Variants in PAX5 observed in about 807,000 individuals in gnomAD.
PAX5 encodes the protein paired box protein Pax-5.
In PAX5, 9 loss-of-function variants were observed where a neutral mutation model predicts 43.7. The observed-to-expected ratio is 0.21, with a 90% CI of 0.12 to 0.36. PAX5 has a LOEUF of 0.36. Ranked by LOEUF, PAX5 falls within the 10% of genes least tolerant of loss-of-function variation. The probability of loss-of-function intolerance (pLI) is 1.00; values close to 1 mark genes in which losing one functional copy is unlikely to be tolerated. For missense variants in PAX5, 383 were observed against 532.7 expected (o/e 0.72, Z 2.77); for synonymous variants, 228 against 214.3 (o/e 1.06, Z -0.56).
At chr9:36,923,257 A>G (rs1052152677) in intron 7 of PAX5, 98 bp downstream of exon 7, 8 of 1,463,470 alleles carry the variant, frequency 5.5e-6, no homozygotes, top group Non-Finnish European at 7.3e-6. Flanking sequence ...AAAATTGGCC[A>G]ATCACATCCA....
rs587778589 is a variant in PAX5 at position 37,015,163 on chromosome 9, C to T, written c.244G>A (p.Val82Ile). 1.6e-4 allele frequency: 262 copies of T among 1,614,024 alleles called. No homozygotes were observed. The Admixed American group carries it at 4.3e-3, about 27-fold the overall frequency. ...YYETGSIKPG[V>I]IGGSKPKVAT... ...ACCTTTGGTTTGGATCCTCCAATTA[C>T]CCCAGGCTTGATGCTTCCTGTCTCA... The change falls in exon 3 of 10, where the codon GTA (valine) becomes ATA (isoleucine). Residue 82 changes from valine (V) to isoleucine (I), a missense_variant. By Grantham distance (29) the Val-to-Ile change is conservative. Coordinates refer to ENST00000358127, the MANE Select transcript of PAX5 (RefSeq NM_016734.3). This position sits in a 1 kb window ranked among gnomAD's most constrained non-coding sequence, Gnocchi z 4.4.
Position 36,872,844 on chromosome 9 carries a change from G to T in PAX5, c.1012+9160C>A, listed in dbSNP as rs756884219. On this transcript the variant is annotated intron_variant, in intron 8 of 9. Transcript: ENST00000358127. ...CTGGGCAGAGCCTGCCCTCTGCAAG[G>T]CTATTGGATGCTCAGCCTCATGCCC... Among the ~76,000 whole-genome samples, 16 of 152,318 alleles carry T rather than the reference G, an allele frequency of 1.1e-4. No individual in the cohort carries two copies. The South Asian group carries it at 1.7e-3, about 16-fold the overall frequency.
intron 8 of PAX5, among the ~76,000 whole-genome samples, chr9:36,861,777 T>C (rs1222462930): frequency 6.6e-6 from 1 of 151,380 alleles, no homozygotes; most frequent in Non-Finnish European, 1.5e-5. Flanking sequence ...GAGTGGGAGA[T>C]AGGTCAGGAC....
Position 36,840,564 on chromosome 9 carries a change from T to C in PAX5, c.1172A>G (p.His391Arg). Residue 391 changes from histidine to arginine, a missense_variant, in exon 10 of 10, where the codon CAC becomes CGC. Physicochemically the swap from His to Arg is conservative, Grantham distance 29 (BLOSUM62 0). This residue lies in a region of PAX5 where 291 missense variants were observed against 342.5 expected (regional missense o/e 0.85). Transcript: ENST00000358127. ...GTGCCCGCCTGGCTCCAAGGGTCAG[T>C]GACGGTCATAGGCAGTGGCGGCTGC... is the stretch of plus-strand genomic sequence containing the variant. ...PPAAATAYDR[H>R] 1 of 1,586,008 alleles carries C rather than the reference T, an allele frequency of 6.3e-7. No individual in the cohort carries two copies. The highest frequency in any genetic ancestry group is 8.6e-7 in the Non-Finnish European group (1 of 1,167,288).
chr9:37,033,298 A>G (rs1841170314), intron 1 of PAX5, among the ~76,000 whole-genome samples: 1 of 152,230 alleles, frequency 6.6e-6, no homozygotes, highest in Non-Finnish European at 1.5e-5. Flanking sequence ...ACGGATCTCC[A>G]TAGGCCCCAG....
At chr9:37,022,309 T>C (rs1323840322) in intron 1 of PAX5, among the ~76,000 whole-genome samples, 12 of 152,256 alleles carry the variant, frequency 7.9e-5, no homozygotes, top group Admixed American at 7.8e-4. Context: ...AAATAGGATT[T>C]TGCAGTTAGA....
At chr9:36,978,906 TC>T (rs1835677608) in intron 5 of PAX5, among the ~76,000 whole-genome samples, 1 of 152,096 alleles carries the variant, frequency 6.6e-6, no homozygotes, top group South Asian at 2.1e-4. Context: ...CATAAGATGG[TC>T]CCCGATATCT....
chr9:37,003,079 G>A (rs1838057407), intron 4 of PAX5, among the ~76,000 whole-genome samples: 1 of 148,600 alleles, frequency 6.7e-6, no homozygotes. Context: ...TTAAATTCCA[G>A]CCTATCCATG....
chr9:36,849,838 A>G (rs754532345), intron 8 of PAX5, among the ~76,000 whole-genome samples: 2 of 152,148 alleles, frequency 1.3e-5, no homozygotes, highest in Non-Finnish European at 2.9e-5. Flanking sequence ...GCGTTTGACC[A>G]TGTACGGGTC....
intron 7 of PAX5, among the ~76,000 whole-genome samples, chr9:36,920,882 T>C (rs1191720918): frequency 6.8e-6 from 1 of 146,712 alleles, no homozygotes; most frequent in Non-Finnish European, 1.5e-5. Context: ...GGCGTGATCT[T>C]GGCTCACTGC....
chr9:36,975,620 C>T (rs1172480918), intron 5 of PAX5, among the ~76,000 whole-genome samples: 1 of 152,128 alleles, frequency 6.6e-6, no homozygotes, highest in African/African-American at 2.4e-5. Flanking sequence ...CTCCTGACCT[C>T]GTGATTCATC....
intron 6 of PAX5, among the ~76,000 whole-genome samples, chr9:36,956,786 G>C (rs1475114674): frequency 6.6e-6 from 1 of 152,172 alleles, no homozygotes; most frequent in African/African-American, 2.4e-5. Context: ...TCATCCTTGG[G>C]TCACTTTGAG....
chr9:36,920,212 A>G (rs1830054045), intron 7 of PAX5, among the ~76,000 whole-genome samples: 1 of 152,256 alleles, frequency 6.6e-6, no homozygotes, highest in African/African-American at 2.4e-5. Flanking sequence ...CCATAAACTT[A>G]GTTGGTAGGG....
At position 36,836,083 on chromosome 9, in the gene PAX5, C is replaced by T. The variant is rs972696174; in HGVS notation, c.*4477G>A. 3.0e-5 allele frequency: 7 copies of T among 233,296 alleles called. No homozygotes were observed. Among genetic ancestry groups the T allele is most frequent in the Non-Finnish European group, 4.2e-5 (5 of 118,184 alleles). The allele number at this position is 233,296 out of a possible 1,614,324, so 14.5% of individuals were successfully genotyped here. On this transcript the variant is annotated 3_prime_UTR_variant, in exon 10 of 10. Coordinates refer to ENST00000358127, the MANE Select transcript of PAX5 (RefSeq NM_016734.3). Reference sequence around the variant, plus strand: ...CCACTGGCTGCCAAGGCTGGGCAGTCGTTCTGGAGCGTGACTTCTGGTAAA... The same window carrying T: ...CCACTGGCTGCCAAGGCTGGGCAGTTGTTCTGGAGCGTGACTTCTGGTAAA...
In PAX5 at chr9:37,034,210, A is replaced by C; in HGVS notation, c.-179T>G. On this transcript the variant is annotated 5_prime_UTR_variant, in exon 1 of 10. Coordinates refer to ENST00000358127, the MANE Select transcript of PAX5 (RefSeq NM_016734.3). Reference sequence around the variant, plus strand: ...TGGGGTAGCTGATCACTGAGCTGAAACTAAACGTTTTAGGTGGAAAAAAAG... The same window carrying C: ...TGGGGTAGCTGATCACTGAGCTGAACCTAAACGTTTTAGGTGGAAAAAAAG... 1 of 589,836 alleles carries C rather than the reference A, an allele frequency of 1.7e-6. No individual in the cohort carries two copies. The highest frequency in any genetic ancestry group is 3.0e-6 in the Non-Finnish European group (1 of 338,546). 36.5% of individuals were successfully genotyped at this position (589,836 alleles called of 1,614,324 possible). A position where few individuals can be genotyped will look rare whatever the true frequency, so the allele number is the denominator to read the frequency against.
At position 37,002,575 on chromosome 9, in the gene PAX5, C is replaced by T. The variant is rs1288561406; in HGVS notation, c.604+73G>A. The T allele has an allele frequency of 6.0e-5, 91 of 1,527,764 alleles. No homozygotes were observed. The highest frequency in any genetic ancestry group is 6.9e-5 in the Non-Finnish European group (78 of 1,128,554). 94.6% of individuals were successfully genotyped at this position (1,527,764 alleles called of 1,614,324 possible). On this transcript the variant is annotated intron_variant, in intron 5 of 9. Transcript: ENST00000358127. ...GGGGTGTTCGCGGGCACCTCTGCTG[C>T]CACCCGCGACCGAGCGCCGGAAACA...
chr9:36,854,757 T>C (rs1278401926), intron 8 of PAX5, among the ~76,000 whole-genome samples: 1 of 152,002 alleles, frequency 6.6e-6, no homozygotes, highest in Non-Finnish European at 1.5e-5. Flanking sequence ...CATCGATCCA[T>C]TGCTGGGAAA....
chr9:36,996,463 G>A (rs1399361803), intron 5 of PAX5, among the ~76,000 whole-genome samples: 1 of 152,236 alleles, frequency 6.6e-6, no homozygotes, highest in Non-Finnish European at 1.5e-5. Context: ...GCTCTCCAGG[G>A]ATCAGAGATC....
intron 8 of PAX5, among the ~76,000 whole-genome samples, chr9:36,880,243 C>T (rs937867652): frequency 6.6e-6 from 1 of 152,262 alleles, no homozygotes; most frequent in African/African-American, 2.4e-5. Context: ...CTCATCACCA[C>T]GTGGGGCCTT....
Sources: gnomAD v4.1 joint callset for allele counts (sites outside exome capture counted in the v4.1 genomes callset) on GRCh38, gnomAD v4.1.1 for gene constraint, gnomAD v4.1.1 regional missense constraint, Gnocchi (gnomAD v3.1) non-coding constraint, MANE v1.5 for transcripts, NCBI Gene and HGNC (gene_info 2026-07-23, HGNC 2026-07-21) for gene names.